MEAF6: variants seen among roughly 807,000 people sequenced by gnomAD.
The protein encoded by MEAF6 is MYST/Esa1 associated factor 6.
Under a neutral mutation model 28.9 loss-of-function variants are expected in MEAF6, and 15 were observed. The observed-to-expected ratio is 0.52, with a 90% CI of 0.35 to 0.80. MEAF6 has a LOEUF of 0.80. MEAF6 is among the 30% of genes least tolerant of loss of function. The pLI, the probability that MEAF6 is intolerant of heterozygous loss-of-function variation, is 0.01. For synonymous variants in MEAF6, 97 were observed against 88.7 expected (o/e 1.09, Z -0.53); for missense variants, 178 against 237.5 (o/e 0.75, Z 1.65).
rs557326801 is a variant in MEAF6 at position 37,504,174 on chromosome 1, C to T, written c.341-2178G>A. On this transcript the variant is annotated intron_variant, in intron 4 of 6. Coordinates refer to ENST00000296214, the MANE Select transcript of MEAF6 (RefSeq NM_001270875.3). ...TAGAAGTTCTTCCTTCATGCGTGTT[C>T]TCTCTCCTACTGCCTTGTGAAGAAG... 2.0e-4 allele frequency among the ~76,000 whole-genome samples: 31 copies of T among 152,254 alleles called. 1 individual carries two copies. Among genetic ancestry groups the T allele is most frequent in the African/African-American group, 7.0e-4 (29 of 41,558 alleles).
chr1:37,512,013 A>G (rs1209976659), intron 2 of MEAF6, among the ~76,000 whole-genome samples: 1 of 152,222 alleles, frequency 6.6e-6, no homozygotes, highest in Non-Finnish European at 1.5e-5. Flanking sequence ...TCAGGAGGTA[A>G]TTACTGACAC....
chr1:37,503,658 CAAAAAAAAAA>C (rs773565571), intron 4 of MEAF6, among the ~76,000 whole-genome samples: 1 of 47,926 alleles, frequency 2.1e-5, no homozygotes, highest in African/African-American at 8.2e-5. Flanking sequence ...AAGACTGTCT[CAAAAAAAAAA>C]AAAAAAAAAA....
chr1:37,495,887 C>T lies in MEAF6; in HGVS notation c.565G>A (p.Ala189Thr). Residue 189 changes from alanine (A) to threonine (T), a missense_variant and splice_region_variant, in exon 6 of 7, where the codon GCT becomes ACT. Around this residue, in one of 2 missense-constraint regions of MEAF6, gnomAD observed 124 missense variants for 200.5 expected, o/e 0.62. Transcript: ENST00000296214. ...IDLKLNKKPRADY is the reference protein window; with the variant it reads ...IDLKLNKKPRTDY ...GAAGTGGTCCGGCTGATACTTACAG[C>T]TCGTGGTTTTTTGTTTAACTTCAGA... is the stretch of plus-strand genomic sequence containing the variant. The T allele has an allele frequency of 6.2e-7, 1 of 1,614,020 alleles. No homozygotes were observed. The highest frequency in any genetic ancestry group is 1.1e-5 in the South Asian group (1 of 91,084).
intron 4 of MEAF6, among the ~76,000 whole-genome samples, chr1:37,503,784 C>A (rs1384229251): frequency 6.6e-6 from 1 of 151,680 alleles, no homozygotes; most frequent in Admixed American, 6.6e-5. Context: ...GTCAGCACGG[C>A]AAAACCTCAT....
At chr1:37,509,652 G>A in intron 2 of MEAF6, 110 bp from the exon 3 acceptor site, 1 of 873,402 alleles carries the variant, frequency 1.1e-6, no homozygotes, top group East Asian at 2.4e-5. Flanking sequence ...CACTCAGACT[G>A]GCCCAAACGA....
At chr1:37,498,409 TTTATTATTATTA>T (rs35576307) in intron 5 of MEAF6, among the ~76,000 whole-genome samples, 63 of 122,530 alleles carry the variant, frequency 5.1e-4, no homozygotes, top group African/African-American at 1.1e-3. Context: ...TATGTTATTT[TTTATTATTATTA>T]TTATTATTAT....
chr1:37,499,087 G>A (rs1642211996), intron 5 of MEAF6, among the ~76,000 whole-genome samples: 1 of 151,994 alleles, frequency 6.6e-6, no homozygotes, highest in Non-Finnish European at 1.5e-5. Flanking sequence ...GGAGGTCAAA[G>A]CTGCAATGAC....
chr1:37,504,141 G>T (rs12143358), intron 4 of MEAF6, among the ~76,000 whole-genome samples: 1 of 152,060 alleles, frequency 6.6e-6, no homozygotes, highest in African/African-American at 2.4e-5. Context: ...GATGGTTTTA[G>T]AAGTGTTTAG....
At chr1:37,506,631 C>A (rs1363760283) in intron 4 of MEAF6, among the ~76,000 whole-genome samples, 1 of 152,144 alleles carries the variant, frequency 6.6e-6, no homozygotes. Flanking sequence ...GATCCTCTCA[C>A]CTCGGCCTCC....
chr1:37,492,387 A>C lies in MEAF6; in HGVS notation c.*1712T>G, dbSNP rs1641964984. ...CTTTCCCCAAAAGGAAGGAAACTGT[A>C]GGCATCCCACTCCTCCCTCCCAGCA... On this transcript the variant is annotated 3_prime_UTR_variant, in exon 7 of 7. Transcript: ENST00000296214. Among the ~76,000 whole-genome samples the C allele has an allele frequency of 6.6e-6, 1 of 152,020 alleles. No individual in the cohort carries two copies. The highest frequency in any genetic ancestry group is 2.4e-5 in the African/African-American group (1 of 41,404).
chr1:37,494,481 C>T (rs1249771882), intron 6 of MEAF6, among the ~76,000 whole-genome samples: 2 of 139,606 alleles, frequency 1.4e-5, no homozygotes, highest in African/African-American at 2.7e-5. Context: ...CGCCATTGCA[C>T]TCCAGCCTGG....
intron 6 of MEAF6, among the ~76,000 whole-genome samples, chr1:37,495,684 C>CAAAAAAAAAAAAAAAAAAAAAAAAA (rs376230589): frequency 9.9e-5 from 7 of 70,528 alleles, no homozygotes; most frequent in African/African-American, 1.9e-4. Flanking sequence ...AACTGTCTCT[C>CAAAAAAAAAAAAAAAAAAAAAAAAA]AAAAAAAAAA....
At chr1:37,512,369 T>C (rs1240696689) in intron 2 of MEAF6, among the ~76,000 whole-genome samples, 1 of 152,176 alleles carries the variant, frequency 6.6e-6, no homozygotes, top group South Asian at 2.1e-4. Context: ...AAATGTGAAA[T>C]GTAAATATAG....
At chr1:37,514,460 G>A in intron 1 of MEAF6, 197 bp downstream of exon 1, 2 of 332,262 alleles carry the variant, frequency 6.0e-6, no homozygotes, top group South Asian at 1.7e-4. Context: ...GCTCTCTCCC[G>A]GCTCCGGATT....
At chr1:37,509,669 T>C (rs539167859) in intron 2 of MEAF6, 127 bp from the exon 3 acceptor site, 4 of 727,206 alleles carry the variant, frequency 5.5e-6, no homozygotes, top group East Asian at 5.1e-5. Flanking sequence ...ACGACCTTTA[T>C]GCTGAACACA....
At chr1:37,494,989 G>A (rs1642068264) in intron 6 of MEAF6, among the ~76,000 whole-genome samples, 1 of 151,724 alleles carries the variant, frequency 6.6e-6, no homozygotes, top group East Asian at 1.9e-4. Flanking sequence ...AAAAAAAAGA[G>A]CTAGTATTAA....
intron 1 of MEAF6, chr1:37,513,894 G>A (rs540020346): frequency 9.4e-6 from 3 of 319,772 alleles, no homozygotes; most frequent in East Asian, 5.1e-5. Context: ...CCAGGAGAGG[G>A]AAAGGTGAGC....
At chr1:37,505,270 G>T (rs776977808) in intron 4 of MEAF6, among the ~76,000 whole-genome samples, 1 of 152,154 alleles carries the variant, frequency 6.6e-6, no homozygotes, top group Non-Finnish European at 1.5e-5. Flanking sequence ...AGAAGTAAAG[G>T]AAAGAGACAG....
At chr1:37,495,704 CAAAAAA>C (rs1217893546) in intron 6 of MEAF6, among the ~76,000 whole-genome samples, 175 bp downstream of exon 6, 1 of 64,498 alleles carries the variant, frequency 1.6e-5, no homozygotes, top group African/African-American at 5.5e-5. Context: ...AAACAAAAAA[CAAAAAA>C]AAAAAAAAAC....
Sources: allele counts gnomAD v4.1 joint callset (sites outside exome capture counted in the v4.1 genomes callset), GRCh38; gene constraint gnomAD v4.1.1; regional missense constraint gnomAD v4.1.1; transcripts MANE v1.5; gene names NCBI Gene and HGNC (gene_info 2026-07-23, HGNC 2026-07-21).